The following AP4M1 variants were observed in gnomAD, a reference collection of about 807,000 sequenced individuals.
AP4M1 encodes AP-4 complex subunit mu-1.
Under a neutral mutation model 62.4 loss-of-function variants are expected in AP4M1, and 58 were observed. That is an observed-to-expected ratio of 0.93 (90% CI 0.75 to 1.16). The LOEUF (loss-of-function observed/expected upper bound fraction) is 1.16. Ranked by LOEUF, AP4M1 falls within the 50% of genes most tolerant of loss-of-function variation. The pLI is 0.00. For synonymous variants in AP4M1, 290 were observed against 239.7 expected, an observed-to-expected ratio of 1.21 and a Z score of -1.94; for missense variants, 626 against 585.4, an observed-to-expected ratio of 1.07 and a Z score of -0.72.
At chr7:100,101,600 G>T (rs566989386), upstream of AP4M1, 9 of 1,146,538 alleles carry the variant, frequency 7.8e-6, no homozygotes, top group Non-Finnish European at 1.0e-5. Flanking sequence ...GAGCTGGCGC[G>T]GGCGGAGGAG....
chr7:100,101,758 T>A lies in AP4M1; in HGVS notation c.44T>A (p.Leu15His). 2.6e-6 allele frequency: 4 copies of A among 1,523,954 alleles called. No homozygotes were observed. The highest frequency in any genetic ancestry group is 3.6e-6 in the Non-Finnish European group (4 of 1,120,764). The allele number at this position is 1,523,954 out of a possible 1,614,324, so 94.4% of individuals were successfully genotyped here. Residue 15 changes from leucine (L) to histidine (H), a missense_variant, in exon 1 of 15, where the codon CTC becomes CAC. By Grantham distance (99) the Leu-to-His change is moderately conservative (BLOSUM62 -3). Transcript: ENST00000359593. ...ATTCTGTCCTCCAAGGGGGACCCGC[T>A]CATCTACAAAGACTGTATCCTAGAC... ...FFILSSKGDPLIYKDFRGDSG... is the reference protein window; with the variant it reads ...FFILSSKGDPHIYKDFRGDSG...
At chr7:100,101,273 G>A, upstream of AP4M1, 1 of 1,613,250 alleles carries the variant, frequency 6.2e-7, no homozygotes, top group East Asian at 2.2e-5. Context: ...CCCTTCTCTA[G>A]CGCGTAGTCC....
chr7:100,107,143 A>C lies in AP4M1; in HGVS notation c.*261A>C. 1 of 1,458,706 alleles carries C rather than the reference A, an allele frequency of 6.9e-7. No individual in the cohort carries two copies. The highest frequency in any genetic ancestry group is 9.1e-7 in the Non-Finnish European group (1 of 1,094,698). 90.4% of individuals were successfully genotyped at this position (1,458,706 alleles called of 1,614,324 possible). On this transcript the variant is annotated 3_prime_UTR_variant, in exon 15 of 15. Transcript: ENST00000359593. ...ATCTAAAAAGAAAGTGACATGAAGG[A>C]AGCAATCTACAACTTCCTTCCGCTT...
Position 100,101,913 on chromosome 7 carries a change from A to T in AP4M1, c.92A>T (p.Glu31Val), listed in dbSNP as rs140286559. The T allele has an allele frequency of 9.9e-6, 16 of 1,612,902 alleles. No homozygotes were observed. In the African/African-American group the frequency reaches 1.5e-4, roughly 15 times the overall value. Reference sequence around the variant, plus strand: ...GACAGTGGCGGCCGGGATGTGGCCGAGCTCTTCTACCGGAAGCTGACGGGA... The same window carrying T: ...GACAGTGGCGGCCGGGATGTGGCCGTGCTCTTCTACCGGAAGCTGACGGGA... ...RGDSGGRDVA[E>V]LFYRKLTGLP... Residue 31 changes from glutamate (E) to valine (V), a missense_variant, in exon 2 of 15, where the codon GAG becomes GTG. Coordinates refer to ENST00000359593, the MANE Select transcript of AP4M1 (RefSeq NM_004722.4).
At position 100,107,577 on chromosome 7, in the gene AP4M1, G is replaced by A. The variant is rs774354631; in HGVS notation, c.*695G>A. On this transcript the variant is annotated 3_prime_UTR_variant, in exon 15 of 15. Transcript: ENST00000359593. ...GGGGACGGTGGTGGTGACGGGCGAAGTGGTGGTGGAACCTGAGCCGGGGGC... is the reference window on the plus strand; with the variant it reads ...GGGGACGGTGGTGGTGACGGGCGAAATGGTGGTGGAACCTGAGCCGGGGGC... The A allele has an allele frequency of 2.5e-5, 41 of 1,613,750 alleles. No individual in the cohort carries two copies. Among genetic ancestry groups the A allele is most frequent in the Non-Finnish European group, 3.1e-5 (36 of 1,179,944 alleles).
chr7:100,100,880 G>A (rs1306656908), upstream of AP4M1: 1 of 1,049,882 alleles, frequency 9.5e-7, no homozygotes, highest in East Asian at 7.6e-5. Flanking sequence ...CGCGCGCCTG[G>A]GGAGGGCGCG....
upstream of AP4M1, chr7:100,101,389 A>C: frequency 1.9e-6 from 3 of 1,555,896 alleles, no homozygotes; most frequent in South Asian, 3.3e-5. Flanking sequence ...TGGCCGGCCA[A>C]CCGAAATTGG....
chr7:100,103,389 T>G lies in AP4M1; in HGVS notation c.352-20T>G. Reference sequence around the variant, plus strand: ...CCTTCCCTCCACTGATCACTCAGACTGTCCTTCCTTTACCACTAGGACTAT... The same window carrying G: ...CCTTCCCTCCACTGATCACTCAGACGGTCCTTCCTTTACCACTAGGACTAT... On this transcript the variant is annotated intron_variant, in intron 4 of 14. Transcript: ENST00000359593. The G allele has an allele frequency of 6.2e-7, 1 of 1,602,374 alleles. No individual in the cohort carries two copies. Among genetic ancestry groups the G allele is most frequent in the Non-Finnish European group, 8.6e-7 (1 of 1,169,466 alleles).
chr7:100,103,556 G>A (rs761642556), intron 5 of AP4M1, 37 bp downstream of exon 5: 1 of 1,613,876 alleles, frequency 6.2e-7, no homozygotes, highest in Non-Finnish European at 8.5e-7. Context: ...GGAAAGAGAA[G>A]AGGGGTTGGC....
In AP4M1 at chr7:100,101,885, G is replaced by A. The variant is rs1041739986; in HGVS notation, c.64G>A (p.Gly22Arg). The change falls in exon 2 of 15, where the codon GGG becomes AGG. Residue 22 changes from glycine to arginine, a missense_variant. Gly to Arg is a moderately radical substitution (Grantham distance 125). Transcript: ENST00000359593. ...TGAGTCCTTCCACCCGCCAGTCCGC[G>A]GGGACAGTGGCGGCCGGGATGTGGC... Reference protein sequence around the residue: ...GDPLIYKDFRGDSGGRDVAEL... With the variant: ...GDPLIYKDFRRDSGGRDVAEL... The A allele has an allele frequency of 6.2e-7, 1 of 1,613,402 alleles. No homozygotes were observed. The highest frequency in any genetic ancestry group is 8.5e-7 in the Non-Finnish European group (1 of 1,179,964).
chr7:100,108,159 T>C lies in AP4M1; in HGVS notation c.*1277T>C. ...AAGAGGAAAGGGGGAAGTGGCACCA[T>C]CTACTAAGAAGAGGAGTCTGAAGGG... On this transcript the variant is annotated 3_prime_UTR_variant, in exon 15 of 15. Transcript: ENST00000359593. 6.4e-7 allele frequency: 1 copy of C among 1,561,798 alleles called. No homozygotes were observed. Among genetic ancestry groups the C allele is most frequent in the Non-Finnish European group, 8.6e-7 (1 of 1,157,670 alleles).
Position 100,101,750 on chromosome 7 carries a change from G to A in AP4M1, c.36G>A (p.Gly12=). 1 of 1,613,342 alleles carries A rather than the reference G, an allele frequency of 6.2e-7. No homozygotes were observed. The highest frequency in any genetic ancestry group is 1.1e-5 in the South Asian group (1 of 91,068). The change falls in exon 1 of 15, where the codon GGG becomes GGA. Residue 12 remains glycine, a synonymous_variant. Transcript: ENST00000359593. ...ISQFFILSSK[G]DPLIYKDFRG... is the part of the protein sequence containing the mutation. ...AATTCTTCATTCTGTCCTCCAAGGG[G>A]GACCCGCTCATCTACAAAGACTGTA...
chr7:100,103,692 G>C lies in AP4M1; in HGVS notation c.543G>C (p.Gln181His). ...CCGTCCTGTCCAGTCGCTCTGACCA[G>C]GTGAGGGAAGGATCCATGGGGTCAG... is the stretch of plus-strand genomic sequence containing the variant. ...SRPVLSSRSD[Q>H]SQKNEVFLDV... The change falls in exon 6 of 15, where the codon CAG becomes CAC. Residue 181 changes from glutamine to histidine, a missense_variant and splice_region_variant. Physicochemically the swap from Gln to His is conservative, Grantham distance 24. Coordinates refer to ENST00000359593, the MANE Select transcript of AP4M1 (RefSeq NM_004722.4). The C allele has an allele frequency of 1.9e-6, 3 of 1,611,744 alleles. No individual in the cohort carries two copies. The highest frequency in any genetic ancestry group is 1.3e-5 in the African/African-American group (1 of 74,946).
intron 14 of AP4M1, 48 bp downstream of exon 14, chr7:100,106,562 G>GCCCCCCACCC: frequency 6.6e-7 from 1 of 1,514,876 alleles, no homozygotes; most frequent in Non-Finnish European, 9.1e-7. Context: ...TTCACTTGCA[G>GCCCCCCACCC]CCCCCACCCC....
In AP4M1 at chr7:100,105,285, CTG is replaced by C. The variant is rs1397027035; in HGVS notation, c.776_777del (p.Val259GlufsTer6). On this transcript the variant is annotated frameshift_variant, in exon 10 of 15. Transcript: ENST00000359593. LOFTEE classifies it high-confidence loss of function. ...GTCGATGAAGTCTCGTTTCACAGCT[CTG>C]TGAATCTGGACGAATTTGAGTCTCA... The C allele has an allele frequency of 6.2e-7, 1 of 1,614,160 alleles. No homozygotes were observed. The highest frequency in any genetic ancestry group is 8.5e-7 in the Non-Finnish European group (1 of 1,180,030).
At chr7:100,102,573 G>C (rs555051180) in intron 2 of AP4M1, 102 bp from the exon 3 acceptor site, 4 of 979,734 alleles carry the variant, frequency 4.1e-6, no homozygotes, top group South Asian at 4.0e-5. Context: ...CACTGCTGTT[G>C]TGACTAGTAA....
upstream of AP4M1, chr7:100,100,854 C>T (rs569269175): frequency 3.1e-5 from 32 of 1,024,542 alleles, no homozygotes; most frequent in South Asian, 9.9e-4. Context: ...CCCGGCCTGC[C>T]CGCCCCCGGG....
chr7:100,107,673 C>T lies in AP4M1; in HGVS notation c.*791C>T, dbSNP rs551239985. On this transcript the variant is annotated 3_prime_UTR_variant, in exon 15 of 15. Coordinates refer to ENST00000359593, the MANE Select transcript of AP4M1 (RefSeq NM_004722.4). ...GCTTGCCCTGTGCCCTCCCTGCCCC[C>T]CAGAGGCCTGGCGAGGACGCTTCAC... 8.2e-6 allele frequency: 13 copies of T among 1,592,000 alleles called. No individual in the cohort carries two copies. The East Asian group carries it at 9.0e-5, about 11-fold the overall frequency.
intron 8 of AP4M1, 21 bp downstream of exon 8, chr7:100,104,961 A>C: frequency 2.5e-6 from 4 of 1,614,142 alleles, no homozygotes; most frequent in Non-Finnish European, 3.4e-6. Flanking sequence ...TGCAGGCAGG[A>C]CCAAGGGTTG....
Sources: gnomAD v4.1 joint callset for allele counts on GRCh38, gnomAD v4.1.1 for gene constraint, MANE v1.5 for transcripts, NCBI Gene and HGNC (gene_info 2026-07-23, HGNC 2026-07-21) for gene names.